KLB: variants seen among roughly 807,000 people sequenced by gnomAD.
KLB encodes klotho beta, also known as beta-klotho.
A neutral mutation model predicts 88.4 loss-of-function variants in KLB; 44 were observed. That is an observed-to-expected ratio of 0.50 (90% CI 0.39 to 0.64). KLB has a LOEUF of 0.64. Ranked by LOEUF, KLB falls within the 30% of genes least tolerant of loss-of-function variation. The pLI, the probability that KLB is intolerant of heterozygous loss-of-function variation, is 0.00. For synonymous variants in KLB, 548 were observed against 513.4 expected, an observed-to-expected ratio of 1.07 and a Z score of -0.91; for missense variants, 1,137 against 1,304.8, an observed-to-expected ratio of 0.87 and a Z score of 1.98.
Position 39,447,037 on chromosome 4 carries a change from T to G in KLB, c.2311T>G (p.Trp771Gly). The G allele has an allele frequency of 6.2e-7, 1 of 1,612,038 alleles. No homozygotes were observed. Among genetic ancestry groups the G allele is most frequent in the Non-Finnish European group, 8.5e-7 (1 of 1,179,944 alleles). The change falls in exon 4 of 5, where the codon TGG becomes GGG. Residue 771 changes from tryptophan to glycine, a missense_variant. Physicochemically the swap from Trp to Gly is radical, Grantham distance 184. Transcript: ENST00000257408. ...AERFLQFEIA[W>G]FAEPLFKTGD... ...GCGCTTCCTGCAGTTCGAGATCGCCTGGTTCGCCGAGCCGCTCTTCAAGAC... is the reference window on the plus strand; with the variant it reads ...GCGCTTCCTGCAGTTCGAGATCGCCGGGTTCGCCGAGCCGCTCTTCAAGAC...
In KLB at chr4:39,407,463, C is replaced by T. The variant is rs375340772; in HGVS notation, c.514C>T (p.Leu172=). Residue 172 remains leucine, a synonymous_variant, in exon 1 of 5, where the codon CTG becomes TTG. Coordinates refer to ENST00000257408, the MANE Select transcript of KLB (RefSeq NM_175737.4). The part of the protein sequence containing the change: ...GIVTVANAKG[L]QYYSTLLDAL... The stretch of plus-strand genomic sequence containing the variant: ...AGTAACAGTTGCCAACGCAAAAGGT[C>T]TGCAGTACTACAGTACTCTTCTGGA... 6.2e-7 allele frequency: 1 copy of T among 1,614,024 alleles called. No individual in the cohort carries two copies. The highest frequency in any genetic ancestry group is 8.5e-7 in the Non-Finnish European group (1 of 1,180,010).
chr4:39,411,289 C>T (rs1333368573), intron 1 of KLB, among the ~76,000 whole-genome samples: 1 of 150,810 alleles, frequency 6.6e-6, no homozygotes, highest in Admixed American at 6.6e-5. Flanking sequence ...ACCCACAGCG[C>T]CCGGCCTCAA....
At chr4:39,418,766 G>T (rs1448163283) in intron 1 of KLB, among the ~76,000 whole-genome samples, 1 of 151,430 alleles carries the variant, frequency 6.6e-6, no homozygotes, top group Non-Finnish European at 1.5e-5. Flanking sequence ...TGGCCTACAT[G>T]GTGAAATCCC....
intron 2 of KLB, 83 bp downstream of exon 2, chr4:39,434,803 A>T: frequency 2.9e-6 from 3 of 1,051,598 alleles, no homozygotes; most frequent in Non-Finnish European, 2.7e-6. Flanking sequence ...TGTAACTATT[A>T]TTGTTGGGCT....
chr4:39,437,828 TA>T lies in KLB; in HGVS notation c.1439del (p.Tyr480LeufsTer31). ...TTACACCATCCGCCGAGGATTATTTTATGTGGATTTTAACAGTAAACAGAAA... is the reference window on the plus strand; with the variant it reads ...TTACACCATCCGCCGAGGATTATTTTTGTGGATTTTAACAGTAAACAGAAA... ...DAYTIRRGLF[Y>X]VDFNSKQKER... On this transcript the variant is annotated frameshift_variant, in exon 3 of 5. Coordinates refer to ENST00000257408, the MANE Select transcript of KLB (RefSeq NM_175737.4). LOFTEE classifies it high-confidence loss of function. 6.2e-7 allele frequency: 1 copy of T among 1,614,084 alleles called. No homozygotes were observed. Among genetic ancestry groups the T allele is most frequent in the East Asian group, 2.2e-5 (1 of 44,898 alleles).
chr4:39,447,644 T>A (rs538530352), intron 4 of KLB, among the ~76,000 whole-genome samples, 169 bp downstream of exon 4: 23 of 152,232 alleles, frequency 1.5e-4, no homozygotes, highest in African/African-American at 4.3e-4. Flanking sequence ...TTTGAAAAAA[T>A]TTTAAAATCA....
chr4:39,424,431 G>T (rs986123847), intron 1 of KLB, among the ~76,000 whole-genome samples: 3 of 151,506 alleles, frequency 2.0e-5, no homozygotes, highest in African/African-American at 7.3e-5. Context: ...GAATTTGCAA[G>T]AACTGCTCAC....
rs1382161775 is a variant in KLB, at chr4:39,407,639, G to A, written c.690G>A (p.Gly230=). 2.5e-6 allele frequency: 4 copies of A among 1,613,926 alleles called. No individual in the cohort carries two copies. The South Asian group carries it at 4.4e-5, about 18-fold the overall frequency. ...DYATYCFQMF[G]DRVKYWITIH... ...CCACATACTGTTTCCAGATGTTTGGGGACCGTGTCAAATATTGGATTACAA... is the reference window on the plus strand; with the variant it reads ...CCACATACTGTTTCCAGATGTTTGGAGACCGTGTCAAATATTGGATTACAA... The change falls in exon 1 of 5, where the codon GGG becomes GGA. Residue 230 remains glycine (G), a synonymous_variant. Coordinates refer to ENST00000257408, the MANE Select transcript of KLB (RefSeq NM_175737.4).
At chr4:39,437,430 A>G (rs1379217687) in intron 2 of KLB, among the ~76,000 whole-genome samples, 1 of 152,246 alleles carries the variant, frequency 6.6e-6, no homozygotes, top group Non-Finnish European at 1.5e-5. Context: ...GGAAATTACC[A>G]TGCCCTCTGA....
At position 39,440,534 on chromosome 4, in the gene KLB, A is replaced by C. The variant is rs148574678; in HGVS notation, c.1605+2539A>C. Among the ~76,000 whole-genome samples, 21 of 152,274 alleles carry C rather than the reference A, an allele frequency of 1.4e-4. 1 individual carries two copies. The East Asian group carries it at 3.9e-3, about 28-fold the overall frequency. On this transcript the variant is annotated intron_variant, in intron 3 of 4. Coordinates refer to ENST00000257408, the MANE Select transcript of KLB (RefSeq NM_175737.4). ...AAAAGGGTTCAAACCATGAATTAGC[A>C]AAGTTCTCAGGTTATGAATCTCAAC...
At position 39,447,255 on chromosome 4, in the gene KLB, G is replaced by T. The variant is rs1220634638; in HGVS notation, c.2529G>T (p.Ser843=). The change falls in exon 4 of 5, where the codon TCG becomes TCT. Residue 843 remains serine, a synonymous_variant. Coordinates refer to ENST00000257408, the MANE Select transcript of KLB (RefSeq NM_175737.4). The stretch of plus-strand genomic sequence containing the variant: ...AGCTGGCCGGCAGCCGCTACGACTC[G>T]GACAGGGACATCCAGTTTCTGCAGG... The part of the protein sequence containing the change: ...HEQLAGSRYD[S]DRDIQFLQDI... 1.9e-6 allele frequency: 3 copies of T among 1,613,974 alleles called. No homozygotes were observed. In the African/African-American group the frequency reaches 4.0e-5, roughly 22 times the overall value.
At chr4:39,418,950 A>G (rs1287635656) in intron 1 of KLB, among the ~76,000 whole-genome samples, 1 of 151,554 alleles carries the variant, frequency 6.6e-6, no homozygotes, top group Non-Finnish European at 1.5e-5. Flanking sequence ...TCTCTAAAAA[A>G]AAAAAAAAAA....
intron 1 of KLB, among the ~76,000 whole-genome samples, chr4:39,419,984 GAT>G (rs1443075035): frequency 7.0e-6 from 1 of 141,940 alleles, no homozygotes; most frequent in Non-Finnish European, 1.5e-5. Context: ...AAAAGAAAAA[GAT>G]ATGATTAAAA....
chr4:39,428,289 G>C (rs1743264839), intron 1 of KLB, among the ~76,000 whole-genome samples: 1 of 152,042 alleles, frequency 6.6e-6, no homozygotes, highest in Non-Finnish European at 1.5e-5. Context: ...TTAGCTGGGT[G>C]TGGTGATGGG....
chr4:39,447,150 G>A lies in KLB; in HGVS notation c.2424G>A (p.Glu808=). 1.2e-6 allele frequency: 2 copies of A among 1,613,752 alleles called. No individual in the cohort carries two copies. Among genetic ancestry groups the A allele is most frequent in the South Asian group, 1.1e-5 (1 of 91,090 alleles). The change falls in exon 4 of 5, where the codon GAG becomes GAA. Residue 808 remains glutamate (E), a synonymous_variant. Coordinates refer to ENST00000257408, the MANE Select transcript of KLB (RefSeq NM_175737.4). The part of the protein sequence containing the change: ...LSSSALPRLT[E]AERRLLKGTV... Reference sequence around the variant, plus strand: ...GCTCGGCCCTGCCGCGCCTCACCGAGGCCGAAAGGAGGCTGCTCAAGGGCA... The same window carrying A: ...GCTCGGCCCTGCCGCGCCTCACCGAAGCCGAAAGGAGGCTGCTCAAGGGCA...
intron 3 of KLB, among the ~76,000 whole-genome samples, chr4:39,440,953 T>G (rs892996788): frequency 6.6e-6 from 1 of 152,142 alleles, no homozygotes; most frequent in Non-Finnish European, 1.5e-5. Flanking sequence ...CCTCCTGAAT[T>G]CAAGCAATTC....
Position 39,406,937 on chromosome 4 carries a change from C to A in KLB, c.-13C>A, listed in dbSNP as rs1742739484. On this transcript the variant is annotated 5_prime_UTR_variant, in exon 1 of 5. Transcript: ENST00000257408. ...CTGAAGCTTTGATAAGACAGTCCAG[C>A]AGTTGGTGGCAAATGAAGCCAGGCT... The A allele has an allele frequency of 6.3e-7, 1 of 1,587,632 alleles. No individual in the cohort carries two copies. The highest frequency in any genetic ancestry group is 1.1e-5 in the South Asian group (1 of 88,258).
chr4:39,445,196 ACT>A (rs1317110491), intron 3 of KLB, among the ~76,000 whole-genome samples: 1 of 152,166 alleles, frequency 6.6e-6, no homozygotes, highest in Non-Finnish European at 1.5e-5. Flanking sequence ...TCCCAGAGTC[ACT>A]GAGTCCTCAC....
Position 39,434,466 on chromosome 4 carries a change from A to G in KLB, c.1082A>G (p.His361Arg), listed in dbSNP as rs1376044716. 1 of 1,614,254 alleles carries G rather than the reference A, an allele frequency of 6.2e-7. No individual in the cohort carries two copies. Among genetic ancestry groups the G allele is most frequent in the Admixed American group, 1.7e-5 (1 of 60,030 alleles). The change falls in exon 2 of 5, where the codon CAT (histidine) becomes CGT (arginine). Residue 361 changes from histidine (H) to arginine (R), a missense_variant. Physicochemically the swap from His to Arg is conservative, Grantham distance 29 (BLOSUM62 0). Transcript: ENST00000257408. ...CCCATTTTCTCTGAAGCAGAGAAGC[A>G]TGAGATGAGAGGCACAGCTGATTTC... is the stretch of plus-strand genomic sequence containing the variant. ...VLPIFSEAEK[H>R]EMRGTADFFA...
Sources: gnomAD v4.1 joint callset for allele counts (sites outside exome capture counted in the v4.1 genomes callset) on GRCh38, gnomAD v4.1.1 for gene constraint, MANE v1.5 for transcripts, NCBI Gene and HGNC (gene_info 2026-07-23, HGNC 2026-07-21) for gene names.